ABI1: variants seen among roughly 807,000 people sequenced by gnomAD.
The protein encoded by ABI1 is abl interactor 1.
Under a neutral mutation model 54.6 loss-of-function variants are expected in ABI1, and 14 were observed. That is an observed-to-expected ratio of 0.26 (90% CI 0.17 to 0.40). ABI1 has a LOEUF of 0.40. ABI1 is among the 10% of genes least tolerant of loss of function. The pLI is 1.00. For synonymous variants in ABI1, 194 were observed against 209.3 expected, an observed-to-expected ratio of 0.93 and a Z score of 0.63; for missense variants, 443 against 598.3, an observed-to-expected ratio of 0.74 and a Z score of 2.71.
intron 3 of ABI1, among the ~76,000 whole-genome samples, chr10:26,776,205 C>T (rs192177916): frequency 1.0e-3 from 152 of 152,268 alleles, no homozygotes; most frequent in Admixed American, 3.5e-3. Context: ...AAGGTCAATG[C>T]TGTCAGCTAT....
At chr10:26,808,934 C>A (rs1356332855) in intron 2 of ABI1, among the ~76,000 whole-genome samples, 1 of 151,688 alleles carries the variant, frequency 6.6e-6, no homozygotes, top group East Asian at 2.0e-4. Context: ...AAGAGAAGTA[C>A]AAAGTATTGC....
At chr10:26,773,494 C>T (rs1841001887) in intron 3 of ABI1, among the ~76,000 whole-genome samples, 1 of 151,862 alleles carries the variant, frequency 6.6e-6, no homozygotes, top group Admixed American at 6.6e-5. Flanking sequence ...GCCACTGCAC[C>T]CAGCCAAGGC....
rs1840505519 is a variant in ABI1, at chr10:26,770,262, T to C, written c.561A>G (p.Ser187=). 1.9e-6 allele frequency: 3 copies of C among 1,613,840 alleles called. No homozygotes were observed. Among genetic ancestry groups the C allele is most frequent in the South Asian group, 1.1e-5 (1 of 91,082 alleles). The change falls in exon 5 of 11, where the codon TCA becomes TCG. Residue 187 remains serine (S), a synonymous_variant. Transcript: ENST00000376140. ...ATTCTTACCCCAGTGTTCCCCGGCC[T>C]GACATGGGAGGACTTGGCGGTTTCT... The part of the protein sequence containing the change: ...PTQKPPSPPM[S]GRGTLGRNTP...
chr10:26,800,595 A>C (rs1187309216), intron 2 of ABI1, among the ~76,000 whole-genome samples: 3 of 152,054 alleles, frequency 2.0e-5, no homozygotes, highest in Non-Finnish European at 4.4e-5. Flanking sequence ...TGGGAAACAT[A>C]GTGAGAACTC....
intron 2 of ABI1, among the ~76,000 whole-genome samples, chr10:26,813,673 C>A (rs557236382): frequency 2.6e-5 from 4 of 152,180 alleles, no homozygotes; most frequent in African/African-American, 9.6e-5. Context: ...CAACAAATCA[C>A]AACAGAGTGA....
intron 1 of ABI1, among the ~76,000 whole-genome samples, chr10:26,823,738 G>A (rs1468529260): frequency 2.0e-5 from 3 of 152,120 alleles, no homozygotes; most frequent in African/African-American, 4.8e-5. Context: ...CAACTTCCTT[G>A]TTATCTATGA....
intron 1 of ABI1, among the ~76,000 whole-genome samples, chr10:26,842,619 T>C (rs1227545821): frequency 6.6e-6 from 1 of 152,190 alleles, no homozygotes; most frequent in African/African-American, 2.4e-5. Context: ...CCATTAGCTA[T>C]TGATATACCA....
At chr10:26,842,674 A>G (rs181821060) in intron 1 of ABI1, among the ~76,000 whole-genome samples, 65 of 152,342 alleles carry the variant, frequency 4.3e-4, no homozygotes, top group African/African-American at 1.4e-3. Flanking sequence ...AAAATACAAA[A>G]ATCAGGGTTT....
intron 2 of ABI1, among the ~76,000 whole-genome samples, chr10:26,788,380 T>C (rs1250195043): frequency 2.0e-5 from 3 of 152,188 alleles, no homozygotes; most frequent in Admixed American, 1.3e-4. Context: ...AACTCTAACA[T>C]TGCTTGATAC....
At chr10:26,770,154 G>A (rs1840492647) in intron 5 of ABI1, 91 bp downstream of exon 5, 2 of 983,792 alleles carry the variant, frequency 2.0e-6, no homozygotes, top group Admixed American at 3.6e-5. Flanking sequence ...AGAGGGTAGT[G>A]TGGCATGGAT....
chr10:26,799,464 C>T (rs1044448136), intron 2 of ABI1, among the ~76,000 whole-genome samples: 15 of 151,924 alleles, frequency 9.9e-5, no homozygotes, highest in African/African-American at 3.4e-4. Context: ...TGCCAAGCTT[C>T]GGGGGAGGGG....
chr10:26,860,714 G>A lies in ABI1; in HGVS notation c.117+33C>T, dbSNP rs2051241690. ...GGTCACTCCGGCGGGTCCTCGACCC[G>A]GCCAGCGCCCGCCGGCCGCCAGAGC... is the stretch of plus-strand genomic sequence containing the variant. On this transcript the variant is annotated intron_variant, in intron 1 of 10. Coordinates refer to ENST00000376140, the MANE Select transcript of ABI1 (RefSeq NM_001012750.3). This position sits in a 1 kb window ranked among gnomAD's most constrained non-coding sequence, Gnocchi z 4.1. 4 of 1,583,910 alleles carry A rather than the reference G, an allele frequency of 2.5e-6. No individual in the cohort carries two copies. Among genetic ancestry groups the A allele is most frequent in the Non-Finnish European group, 3.5e-6 (4 of 1,153,858 alleles).
At chr10:26,839,511 G>A (rs530726629) in intron 1 of ABI1, among the ~76,000 whole-genome samples, 25 of 151,406 alleles carry the variant, frequency 1.7e-4, no homozygotes, top group African/African-American at 5.1e-4. Flanking sequence ...CAAAAATAAG[G>A]GGAAAAAAAG....
chr10:26,860,934 G>T lies in ABI1; in HGVS notation c.-71C>A. 1 of 1,386,204 alleles carries T rather than the reference G, an allele frequency of 7.2e-7. No individual in the cohort carries two copies. The highest frequency in any genetic ancestry group is 1.0e-6 in the Non-Finnish European group (1 of 978,854). The allele number at this position is 1,386,204 out of a possible 1,614,324, so 85.9% of individuals were successfully genotyped here. A position where few individuals can be genotyped will look rare whatever the true frequency, so the allele number is the denominator to read the frequency against. On this transcript the variant is annotated 5_prime_UTR_variant, in exon 1 of 11. Transcript: ENST00000376140. This position sits in a 1 kb window ranked among gnomAD's most constrained non-coding sequence, Gnocchi z 4.1. ...GCAGCAAGGTCCGCCGAGGCTCCGA[G>T]CACCTCACAGCCCGGATACAAACCG...
chr10:26,816,155 A>G (rs1377014251), intron 2 of ABI1, among the ~76,000 whole-genome samples: 1 of 152,226 alleles, frequency 6.6e-6, no homozygotes, highest in East Asian at 1.9e-4. Context: ...ATGATAAGCC[A>G]TTGTGACATT....
At chr10:26,829,410 G>A (rs868287967) in intron 1 of ABI1, among the ~76,000 whole-genome samples, 2 of 152,042 alleles carry the variant, frequency 1.3e-5, no homozygotes, top group East Asian at 3.9e-4. Context: ...TTACAATTTG[G>A]TGACTATAGT....
chr10:26,848,968 G>C (rs773063252), intron 1 of ABI1, among the ~76,000 whole-genome samples: 2 of 151,958 alleles, frequency 1.3e-5, no homozygotes, highest in Non-Finnish European at 2.9e-5. Context: ...CATTAGTCAG[G>C]GATGCTCAAT....
In ABI1 at chr10:26,816,749, T is replaced by A. The variant is rs1185441099; in HGVS notation, c.285+6389A>T. Among the ~76,000 whole-genome samples the A allele has an allele frequency of 5.9e-5, 9 of 152,312 alleles. No individual in the cohort carries two copies. The East Asian group carries it at 1.7e-3, about 29-fold the overall frequency. On this transcript the variant is annotated intron_variant, in intron 2 of 10. Transcript: ENST00000376140. The stretch of plus-strand genomic sequence containing the variant: ...TTTATAACAAAAAGAGAGATTTTAA[T>A]GTTTTGACAAAAAATTTTACAGATC...
At chr10:26,858,371 G>C (rs1300756917) in intron 1 of ABI1, among the ~76,000 whole-genome samples, 1 of 151,834 alleles carries the variant, frequency 6.6e-6, no homozygotes. Flanking sequence ...AGTCCCTTAG[G>C]GAGGCAACTA....
Sources: gnomAD v4.1 joint callset for allele counts (sites outside exome capture counted in the v4.1 genomes callset) on GRCh38, gnomAD v4.1.1 for gene constraint, Gnocchi (gnomAD v3.1) non-coding constraint, MANE v1.5 for transcripts, NCBI Gene and HGNC (gene_info 2026-07-23, HGNC 2026-07-21) for gene names.